PGM5: variants seen among roughly 807,000 people sequenced by gnomAD.
PGM5 encodes the protein phosphoglucomutase 5, also known as phosphoglucomutase-like protein 5.
Under a neutral mutation model 59.2 loss-of-function variants are expected in PGM5, and 23 were observed. The ratio of observed to expected loss-of-function variants is 0.39; its 90% CI spans 0.28 to 0.55. PGM5 has a LOEUF of 0.55. PGM5 is among the 20% of genes least tolerant of loss of function. The pLI, the probability that PGM5 is intolerant of heterozygous loss-of-function variation, is 0.66. For missense variants in PGM5, 574 were observed against 748.3 expected (o/e 0.77, Z 2.72); for synonymous variants, 214 against 286.0 (o/e 0.75, Z 2.54).
intron 7 of PGM5, among the ~76,000 whole-genome samples, chr9:68,473,453 C>A (rs1414974853): frequency 6.6e-6 from 1 of 152,150 alleles, no homozygotes; most frequent in African/African-American, 2.4e-5. Flanking sequence ...AGCCAAATTG[C>A]CCAGCTTGGA....
At chr9:68,484,864 G>A (rs1824269618) in intron 9 of PGM5, among the ~76,000 whole-genome samples, 1 of 152,140 alleles carries the variant, frequency 6.6e-6, no homozygotes, top group African/African-American at 2.4e-5. Flanking sequence ...GAGCCCCCGT[G>A]CCCTGGATAG....
At chr9:68,357,438 C>T (rs1390730917) in intron 1 of PGM5, 50 bp downstream of exon 1, 1 of 1,537,482 alleles carries the variant, frequency 6.5e-7, no homozygotes. Flanking sequence ...GCCATGCCCT[C>T]TCCTAGCCCT....
At chr9:68,457,089 C>G (rs1265132279) in intron 6 of PGM5, among the ~76,000 whole-genome samples, 2 of 152,260 alleles carry the variant, frequency 1.3e-5, no homozygotes, top group Non-Finnish European at 2.9e-5. Flanking sequence ...GTTTGTAGGA[C>G]TTCTTCATTT....
intron 10 of PGM5, among the ~76,000 whole-genome samples, chr9:68,511,736 A>G (rs1334001858): frequency 1.3e-5 from 2 of 151,500 alleles, no homozygotes; most frequent in African/African-American, 2.4e-5. Context: ...TTTTTAGTAG[A>G]GAAGGGGTTT....
intron 6 of PGM5, chr9:68,429,463 A>G (rs1823306515): frequency 6.6e-6 from 1 of 152,182 alleles, no homozygotes; most frequent in South Asian, 2.1e-4. Flanking sequence ...AATTTCACAA[A>G]ACACAAGCTT....
At chr9:68,457,820 C>A (rs1444416743) in intron 6 of PGM5, among the ~76,000 whole-genome samples, 2 of 151,452 alleles carry the variant, frequency 1.3e-5, no homozygotes, top group South Asian at 2.1e-4. Flanking sequence ...TTTTAAGCTT[C>A]AGTAAGAGGT....
In PGM5 at chr9:68,456,008, A is replaced by T. The variant is rs535692092; in HGVS notation, c.1044-9085A>T. ...CTACAGCTTGTCTAGTGCCTTTCTG[A>T]TGGATAATAGGTTGCTTCTGATTTA... On this transcript the variant is annotated intron_variant, in intron 6 of 10. Coordinates refer to ENST00000396396, the MANE Select transcript of PGM5 (RefSeq NM_021965.4). 2.6e-5 allele frequency among the ~76,000 whole-genome samples: 4 copies of T among 152,240 alleles called. No individual in the cohort carries two copies. The East Asian group carries it at 7.7e-4, about 29-fold the overall frequency.
intron 6 of PGM5, chr9:68,396,107 T>C (rs1408402577): frequency 6.6e-5 from 10 of 152,274 alleles, no homozygotes; most frequent in African/African-American, 2.2e-4. Flanking sequence ...CTTCCACTTA[T>C]ACAGAATCTT....
chr9:68,513,407 T>C (rs1000768839), intron 10 of PGM5, among the ~76,000 whole-genome samples: 2 of 152,250 alleles, frequency 1.3e-5, no homozygotes, highest in Non-Finnish European at 2.9e-5. Flanking sequence ...TTACACATGA[T>C]TTTCAGAAGA....
rs1824529875 is a variant in PGM5 at position 68,499,238 on chromosome 9, C to A, written c.1491C>A (p.Ile497=). 6.2e-7 allele frequency: 1 copy of A among 1,614,082 alleles called. No homozygotes were observed. The highest frequency in any genetic ancestry group is 8.5e-7 in the Non-Finnish European group (1 of 1,180,038). ...GTTCTTGGTCTCAGGGCCTAAGGAT[C>A]ATTTTCTCGGATGCATCACGGCTCA... ...GTVTKKQGLR[I]IFSDASRLIF... The change falls in exon 10 of 11, where the codon ATC becomes ATA. Residue 497 remains isoleucine (I), a synonymous_variant. Transcript: ENST00000396396.
chr9:68,527,216 C>A (rs1309973748), intron 10 of PGM5, among the ~76,000 whole-genome samples: 4 of 152,198 alleles, frequency 2.6e-5, no homozygotes, highest in African/African-American at 9.6e-5. Flanking sequence ...GTCAAAAAAT[C>A]TTGAAATTTA....
intron 6 of PGM5, among the ~76,000 whole-genome samples, chr9:68,403,300 G>A (rs1288685763): frequency 6.6e-6 from 1 of 152,174 alleles, no homozygotes; most frequent in African/African-American, 2.4e-5. Flanking sequence ...GAACCATCTA[G>A]TTTCAGGAAA....
Position 68,476,532 on chromosome 9 carries a change from C to CA in PGM5, c.1160-2885dup, listed in dbSNP as rs528217237. Reference sequence around the variant, plus strand: ...CCTGTCACTGATACAGCATAGCGTTCACTTGCCTGAAAGCCTTTTTAAAAG... The same window carrying CA: ...CCTGTCACTGATACAGCATAGCGTTCAACTTGCCTGAAAGCCTTTTTAAAAG... On this transcript the variant is annotated intron_variant, in intron 7 of 10. Coordinates refer to ENST00000396396, the MANE Select transcript of PGM5 (RefSeq NM_021965.4). Among the ~76,000 whole-genome samples, 47 of 152,316 alleles carry CA rather than the reference C, an allele frequency of 3.1e-4. 1 individual carries two copies. In the South Asian group the frequency reaches 7.9e-3, roughly 26 times the overall value.
chr9:68,475,319 GC>G (rs1382117927), intron 7 of PGM5, among the ~76,000 whole-genome samples: 1 of 151,466 alleles, frequency 6.6e-6, no homozygotes, highest in Non-Finnish European at 1.5e-5. Flanking sequence ...ACAGGTGTGA[GC>G]CACCGTGCCT....
intron 9 of PGM5, among the ~76,000 whole-genome samples, chr9:68,487,956 A>G (rs1343650939): frequency 6.6e-6 from 1 of 152,206 alleles, no homozygotes; most frequent in African/African-American, 2.4e-5. Context: ...AAAATCTGTG[A>G]AATAGGAATA....
intron 6 of PGM5, among the ~76,000 whole-genome samples, chr9:68,411,802 G>A (rs1220038136): frequency 2.0e-5 from 3 of 152,106 alleles, no homozygotes; most frequent in Non-Finnish European, 4.4e-5. Flanking sequence ...CACTTATATT[G>A]GCCTGGGGAA....
At chr9:68,416,158 G>A (rs1212775673) in intron 6 of PGM5, among the ~76,000 whole-genome samples, 1 of 152,206 alleles carries the variant, frequency 6.6e-6, no homozygotes, top group Non-Finnish European at 1.5e-5. Context: ...TTATTGGTTA[G>A]CCAGTGATTT....
intron 9 of PGM5, among the ~76,000 whole-genome samples, chr9:68,495,641 T>G (rs1191313293): frequency 2.0e-5 from 3 of 152,200 alleles, no homozygotes; most frequent in Non-Finnish European, 4.4e-5. Flanking sequence ...TTTAATAAAT[T>G]CATTTATGTT....
Position 68,378,230 on chromosome 9 carries a change from T to G in PGM5, c.293T>G (p.Ile98Ser). 1 of 1,582,606 alleles carries G rather than the reference T, an allele frequency of 6.3e-7. No individual in the cohort carries two copies. Among genetic ancestry groups the G allele is most frequent in the Non-Finnish European group, 8.6e-7 (1 of 1,168,230 alleles). ...IGRLIIGQNG[I>S]LSTPAVSCII... ...CGACTGATTATTGGACAGAATGGCATCTTGTCGACACCTGCGGTCTCCTGC... is the reference window on the plus strand; with the variant it reads ...CGACTGATTATTGGACAGAATGGCAGCTTGTCGACACCTGCGGTCTCCTGC... The change falls in exon 2 of 11, where the codon ATC (isoleucine) becomes AGC (serine). Residue 98 changes from isoleucine (I) to serine (S), a missense_variant. By Grantham distance (142) the Ile-to-Ser change is moderately radical (BLOSUM62 -2). Around this residue, in one of 7 missense-constraint regions of PGM5, gnomAD observed 61 missense variants for 133.3 expected, o/e 0.46. Coordinates refer to ENST00000396396, the MANE Select transcript of PGM5 (RefSeq NM_021965.4).
Sources: gnomAD v4.1 joint callset for allele counts (sites outside exome capture counted in the v4.1 genomes callset) on GRCh38, gnomAD v4.1.1 for gene constraint, gnomAD v4.1.1 regional missense constraint, MANE v1.5 for transcripts, NCBI Gene and HGNC (gene_info 2026-07-23, HGNC 2026-07-21) for gene names.